GPR180: variants seen among roughly 807,000 people sequenced by gnomAD.
The protein encoded by GPR180 is G protein-coupled receptor 180.
Under a neutral mutation model 52.6 loss-of-function variants are expected in GPR180, and 53 were observed. That is an observed-to-expected ratio of 1.01 (90% confidence interval 0.81 to 1.27). GPR180 has a LOEUF of 1.27. Among genes scored for constraint, GPR180 ranks in the 50% most tolerant of loss-of-function variants. GPR180 has a pLI of 0.00. For missense variants in GPR180, 533 were observed against 527.0 expected (o/e 1.01, Z -0.11); for synonymous variants, 200 against 193.1 (o/e 1.04, Z -0.30).
In GPR180 at chr13:94,605,423, A is replaced by G. The variant is rs1889616332; in HGVS notation, c.178A>G (p.Asn60Asp). Residue 60 changes from asparagine to aspartate, a missense_variant, in exon 2 of 9, where the codon AAC becomes GAC. By Grantham distance (23) the Asn-to-Asp change is conservative. Transcript: ENST00000376958. ...DHALLCVRIN[N>D]IAVAVGKEAK... is the part of the protein sequence containing the mutation. ...TGCTCTTCTGTGTGTCAGAATCAAC[A>G]ACATAGCAGTAGCTGTTGGAAAAGA... The G allele has an allele frequency of 6.2e-7, 1 of 1,614,110 alleles. No individual in the cohort carries two copies. The highest frequency in any genetic ancestry group is 8.5e-7 in the Non-Finnish European group (1 of 1,179,994).
intron 2 of GPR180, among the ~76,000 whole-genome samples, chr13:94,609,693 C>A: frequency 6.6e-6 from 1 of 151,216 alleles, no homozygotes; most frequent in Non-Finnish European, 1.5e-5. Flanking sequence ...TACTAAAAGT[C>A]TTCCAATATT....
intron 3 of GPR180, 110 bp downstream of exon 3, chr13:94,612,500 C>A: frequency 1.4e-6 from 1 of 739,856 alleles, no homozygotes; most frequent in Non-Finnish European, 2.2e-6. Context: ...GTTTCCAAAA[C>A]TAGAGAAATG....
At chr13:94,617,630 A>G (rs910539948) in intron 3 of GPR180, among the ~76,000 whole-genome samples, 1 of 152,122 alleles carries the variant, frequency 6.6e-6, no homozygotes, top group African/African-American at 2.4e-5. Context: ...ACGAGGCCAA[A>G]AGCCTGATTG....
At chr13:94,619,041 C>T in intron 3 of GPR180, 109 bp from the exon 4 acceptor site, 3 of 858,384 alleles carry the variant, frequency 3.5e-6, no homozygotes, top group South Asian at 4.2e-5. Context: ...GCTATGACTC[C>T]AGTTAAAAAA....
At chr13:94,610,022 A>C (rs1192940614) in intron 2 of GPR180, among the ~76,000 whole-genome samples, 1 of 152,320 alleles carries the variant, frequency 6.6e-6, no homozygotes, top group East Asian at 1.9e-4. Context: ...ACCAGCATCC[A>C]TATATCCTCT....
chr13:94,622,751 T>C (rs1889867870), intron 6 of GPR180, among the ~76,000 whole-genome samples: 1 of 152,154 alleles, frequency 6.6e-6, no homozygotes, highest in Non-Finnish European at 1.5e-5. Context: ...TTTTTTGTAT[T>C]TTTAGTAGAG....
chr13:94,604,266 G>A (rs1044755752), intron 1 of GPR180, among the ~76,000 whole-genome samples: 5 of 152,096 alleles, frequency 3.3e-5, no homozygotes, highest in Admixed American at 1.3e-4. Flanking sequence ...CCGGGGAGGC[G>A]GAGGTTGCAG....
intron 6 of GPR180, among the ~76,000 whole-genome samples, chr13:94,622,664 C>T (rs556545528): frequency 6.6e-6 from 1 of 152,318 alleles, no homozygotes; most frequent in African/African-American, 2.4e-5. Flanking sequence ...ACCTCCACCT[C>T]CTGGGTTCAA....
chr13:94,609,152 T>C (rs1889671602), intron 2 of GPR180, among the ~76,000 whole-genome samples: 2 of 152,202 alleles, frequency 1.3e-5, no homozygotes, highest in Admixed American at 6.5e-5. Flanking sequence ...TGATTCCTTT[T>C]GTAGTTTGGT....
intron 1 of GPR180, 105 bp downstream of exon 1, chr13:94,602,177 C>T: frequency 9.2e-7 from 1 of 1,082,686 alleles, no homozygotes; most frequent in Non-Finnish European, 1.2e-6. Flanking sequence ...TGGGCGAGGC[C>T]GGCGACTTCC....
chr13:94,609,534 T>G (rs1889676634), intron 2 of GPR180, among the ~76,000 whole-genome samples: 1 of 152,150 alleles, frequency 6.6e-6, no homozygotes. Context: ...GTGGGTTTTT[T>G]TTATATTTTA....
intron 1 of GPR180, among the ~76,000 whole-genome samples, chr13:94,604,939 A>C (rs1039528019): frequency 6.6e-6 from 1 of 152,206 alleles, no homozygotes; most frequent in Admixed American, 6.5e-5. Context: ...TGTCTACCCC[A>C]GAACACATAC....
chr13:94,619,254 A>T lies in GPR180; in HGVS notation c.610A>T (p.Met204Leu), dbSNP rs572940799. Residue 204 changes from methionine to leucine, a missense_variant, in exon 4 of 9, where the codon ATG (methionine) becomes TTG (leucine). Transcript: ENST00000376958. ...QAIKKGGPMHMILKVLTTALL... is the reference protein window; with the variant it reads ...QAIKKGGPMHLILKVLTTALL... ...TATTAAGAAAGGCGGACCCATGCACATGATTTTAAAGGTTCTGACAACTGC... is the reference window on the plus strand; with the variant it reads ...TATTAAGAAAGGCGGACCCATGCACTTGATTTTAAAGGTTCTGACAACTGC... 1.2e-6 allele frequency: 2 copies of T among 1,614,178 alleles called. No homozygotes were observed. The highest frequency in any genetic ancestry group is 1.7e-6 in the Non-Finnish European group (2 of 1,180,016).
In GPR180 at chr13:94,621,131, A is replaced by G. The variant is rs775969257; in HGVS notation, c.790A>G (p.Met264Val). The G allele has an allele frequency of 6.2e-7, 1 of 1,612,690 alleles. No homozygotes were observed. The highest frequency in any genetic ancestry group is 8.5e-7 in the Non-Finnish European group (1 of 1,179,766). The change falls in exon 6 of 9, where the codon ATG (methionine) becomes GTG (valine). Residue 264 changes from methionine (M) to valine (V), a missense_variant. Physicochemically the swap from Met to Val is conservative, Grantham distance 21. Coordinates refer to ENST00000376958, the MANE Select transcript of GPR180 (RefSeq NM_180989.6). ...GTTATACTTACTTTTGAGTCTATGCATGGGTTGGACAATAGTCAGAATGAA... is the reference window on the plus strand; with the variant it reads ...GTTATACTTACTTTTGAGTCTATGCGTGGGTTGGACAATAGTCAGAATGAA... Reference protein sequence around the residue: ...QMLYLLLSLCMGWTIVRMKKS... With the variant: ...QMLYLLLSLCVGWTIVRMKKS...
intron 2 of GPR180, 117 bp from the exon 3 acceptor site, chr13:94,612,073 G>A: frequency 1.3e-6 from 1 of 748,308 alleles, no homozygotes; most frequent in East Asian, 2.6e-5. Flanking sequence ...CAAGGTCTTG[G>A]ATTTCTGAGA....
At position 94,605,389 on chromosome 13, in the gene GPR180, A is replaced by G; in HGVS notation, c.146-2A>G. 6.2e-7 allele frequency: 1 copy of G among 1,613,878 alleles called. No homozygotes were observed. Among genetic ancestry groups the G allele is most frequent in the Non-Finnish European group, 8.5e-7 (1 of 1,179,942 alleles). The stretch of plus-strand genomic sequence containing the variant: ...GTTGATGATTTTTGTTTTAATGTCA[A>G]GGTGACCATGCTCTTCTGTGTGTCA... On this transcript the variant is annotated splice_acceptor_variant, in intron 1 of 8. Coordinates refer to ENST00000376958, the MANE Select transcript of GPR180 (RefSeq NM_180989.6). LOFTEE classifies it high-confidence loss of function.
chr13:94,607,530 C>T (rs999842838), intron 2 of GPR180, among the ~76,000 whole-genome samples: 2 of 152,194 alleles, frequency 1.3e-5, no homozygotes, highest in Admixed American at 6.5e-5. Context: ...GCTCCTCCGT[C>T]GATTAAGTTA....
chr13:94,623,777 G>A (rs1161337254), intron 7 of GPR180, among the ~76,000 whole-genome samples: 1 of 151,668 alleles, frequency 6.6e-6, no homozygotes, highest in Non-Finnish European at 1.5e-5. Context: ...CTTATGTGAT[G>A]TAGGTATTAT....
intron 2 of GPR180, among the ~76,000 whole-genome samples, chr13:94,609,178 T>C (rs1307653043): frequency 6.6e-6 from 1 of 152,234 alleles, no homozygotes; most frequent in Non-Finnish European, 1.5e-5. Context: ...TTATAAATCA[T>C]TTAAAGGTGT....
Sources: gnomAD v4.1 joint callset for allele counts (sites outside exome capture counted in the v4.1 genomes callset) on GRCh38, gnomAD v4.1.1 for gene constraint, MANE v1.5 for transcripts, NCBI Gene and HGNC (gene_info 2026-07-23, HGNC 2026-07-21) for gene names.